Variants in EPB41L1 observed in about 807,000 individuals in gnomAD.
EPB41L1 encodes the protein erythrocyte membrane protein band 4.1 like 1.
EPB41L1 carries 29 observed loss-of-function variants against 97.8 expected under a neutral mutation model. That is an observed-to-expected ratio of 0.30 (90% CI 0.22 to 0.40). EPB41L1 has a LOEUF of 0.40. EPB41L1 is among the 10% of genes least tolerant of loss of function. The probability of loss-of-function intolerance (pLI) is 1.00; values close to 1 mark genes in which losing one functional copy is unlikely to be tolerated. For synonymous variants in EPB41L1, 383 were observed against 459.2 expected (o/e 0.83, Z 2.12); for missense variants, 812 against 1,162.3 (o/e 0.70, Z 4.38).
intron 6 of EPB41L1, among the ~76,000 whole-genome samples, chr20:36,183,354 C>T (rs540663897): frequency 5.9e-5 from 9 of 152,340 alleles, no homozygotes; most frequent in African/African-American, 2.2e-4. Context: ...CTGACTCTGG[C>T]CTTGGGAGAT....
Position 36,154,804 on chromosome 20 carries a change from C to CCCGCG in EPB41L1, c.-102_-98dup. ...GCTGCTCCGCAGAGCCCGCCGCGAC[C>CCCGCG]CCGCGCCGCCCCGCCCCGCGGCCTG... On this transcript the variant is annotated 5_prime_UTR_variant, in exon 1 of 22. Coordinates refer to ENST00000338074, the MANE Select transcript of EPB41L1 (RefSeq NM_012156.2). This position sits in a 1 kb window ranked among gnomAD's most constrained non-coding sequence, Gnocchi z 5.5. 1 of 990,518 alleles carries CCCGCG rather than the reference C, an allele frequency of 1.0e-6. No individual in the cohort carries two copies. The allele number at this position is 990,518 out of a possible 1,614,324, so 61.4% of individuals were successfully genotyped here. A position where few individuals can be genotyped will look rare whatever the true frequency, so the allele number is the denominator to read the frequency against.
At chr20:36,157,176 A>G (rs2145565949) in intron 1 of EPB41L1, among the ~76,000 whole-genome samples, 1 of 152,300 alleles carries the variant, frequency 6.6e-6, no homozygotes, top group Non-Finnish European at 1.5e-5. Flanking sequence ...GTGAGCCGAC[A>G]TCGTGCCACT....
rs190072942 is a variant in EPB41L1 at position 36,135,055 on chromosome 20, G to C, written c.-10+22575G>C. ...ACTTTTGTATTTTTAGTAGAGACAG[G>C]GTTTTGCATGTTGGTCAGGATGGTC... On this transcript the variant is annotated intron_variant, in intron 2 of 19. Transcript: ENST00000202028. 3.1e-3 allele frequency among the ~76,000 whole-genome samples: 472 copies of C among 151,854 alleles called. 7 individuals carry two copies. The highest frequency in any genetic ancestry group is 0.011 in the African/African-American group (445 of 41,390).
intron 1 of EPB41L1, among the ~76,000 whole-genome samples, chr20:36,095,404 A>T (rs1193816374): frequency 6.6e-6 from 1 of 152,172 alleles, no homozygotes; most frequent in Non-Finnish European, 1.5e-5. Context: ...CGCTGCGCCC[A>T]GCCTGGGATC....
chr20:36,126,105 T>A (rs1034196608), intron 2 of EPB41L1, among the ~76,000 whole-genome samples: 1 of 152,074 alleles, frequency 6.6e-6, no homozygotes, highest in Non-Finnish European at 1.5e-5. Flanking sequence ...ATTCAGTAGC[T>A]CCCTGAGAAA....
At chr20:36,193,512 C>T (rs983539801) in intron 11 of EPB41L1, among the ~76,000 whole-genome samples, 11 of 152,226 alleles carry the variant, frequency 7.2e-5, no homozygotes, top group Non-Finnish European at 1.6e-4. Flanking sequence ...ACACAATCCA[C>T]GGGCATAGTC....
chr20:36,141,565 G>A (rs186644375), intron 2 of EPB41L1, among the ~76,000 whole-genome samples: 42 of 152,306 alleles, frequency 2.8e-4, no homozygotes, highest in Admixed American at 2.0e-3. Context: ...TTGCTGAAAG[G>A]TGGGGGCTCT....
At chr20:36,229,279 TCCTTTCCCC>T in intron 21 of EPB41L1, 44 bp from the exon 22 acceptor site, 1 of 1,474,924 alleles carries the variant, frequency 6.8e-7, no homozygotes, top group Non-Finnish European at 9.4e-7. Flanking sequence ...TCCTCTTCCT[TCCTTTCCCC>T]CCACTCCCCA....
At chr20:36,197,610 G>A (rs547863025) in intron 13 of EPB41L1, 62 of 984,726 alleles carry the variant, frequency 6.3e-5, no homozygotes, top group South Asian at 2.8e-4. Flanking sequence ...AGGGAGAAGC[G>A]AAGGTGGCTT....
chr20:36,113,626 T>A (rs545463365), intron 2 of EPB41L1: 6 of 152,488 alleles, frequency 3.9e-5, no homozygotes, highest in African/African-American at 1.4e-4. Context: ...TTTGGCTCCT[T>A]CCTACAGGGG....
At chr20:36,131,752 G>C (rs1187551475) in intron 2 of EPB41L1, among the ~76,000 whole-genome samples, 1 of 152,128 alleles carries the variant, frequency 6.6e-6, no homozygotes, top group Non-Finnish European at 1.5e-5. Context: ...AGTGATGCAG[G>C]GGCAGAGCTG....
At chr20:36,214,014 A>G (rs541949707) in intron 16 of EPB41L1, among the ~76,000 whole-genome samples, 2 of 151,830 alleles carry the variant, frequency 1.3e-5, no homozygotes, top group South Asian at 4.2e-4. Context: ...GCAATTCACT[A>G]TCAGCGCTCG....
chr20:36,204,608 C>T (rs909248397), intron 14 of EPB41L1, among the ~76,000 whole-genome samples: 7 of 151,692 alleles, frequency 4.6e-5, no homozygotes, highest in Non-Finnish European at 8.8e-5. Flanking sequence ...CCTCAGCCTC[C>T]CAAAGTGCTG....
At chr20:36,163,931 A>G (rs972859944) in intron 1 of EPB41L1, among the ~76,000 whole-genome samples, 1 of 152,028 alleles carries the variant, frequency 6.6e-6, no homozygotes, top group East Asian at 1.9e-4. Flanking sequence ...ATCTTGGCTC[A>G]CTGCAACTTC....
intron 11 of EPB41L1, among the ~76,000 whole-genome samples, chr20:36,191,078 G>C (rs1227480826): frequency 6.6e-6 from 1 of 151,974 alleles, no homozygotes; most frequent in East Asian, 1.9e-4. Flanking sequence ...TTAGCCATAT[G>C]GTTTGGGCCA....
rs1303377961 is a variant in EPB41L1 at position 36,093,279 on chromosome 20, G to T, written c.-65+1667G>T. 6.6e-6 allele frequency among the ~76,000 whole-genome samples: 1 copy of T among 152,100 alleles called. No individual in the cohort carries two copies. Among genetic ancestry groups the T allele is most frequent in the African/African-American group, 2.4e-5 (1 of 41,414 alleles). On this transcript the variant is annotated intron_variant, in intron 1 of 19. Transcript: ENST00000202028. This position sits in a 1 kb window ranked among gnomAD's most constrained non-coding sequence, Gnocchi z 5.4. ...TGTGTACACCTCTGGGTGAGGGCGT[G>T]TGCCAGTGGCTTCGCTTGTGGCTGC...
upstream of EPB41L1, chr20:36,149,893 A>AC (rs2059980327): frequency 6.6e-6 from 1 of 152,152 alleles, no homozygotes; most frequent in Non-Finnish European, 1.5e-5. Flanking sequence ...CTGAGTTAGG[A>AC]CCCCAGAGTA....
chr20:36,195,480 A>G lies in EPB41L1; in HGVS notation c.1485+116A>G, dbSNP rs2062153218. 1.6e-6 allele frequency: 2 copies of G among 1,220,848 alleles called. No individual in the cohort carries two copies. Among genetic ancestry groups the G allele is most frequent in the South Asian group, 1.2e-5 (1 of 80,842 alleles). The allele number at this position is 1,220,848 out of a possible 1,614,324, so 75.6% of individuals were successfully genotyped here. On this transcript the variant is annotated intron_variant, in intron 13 of 21. Coordinates refer to ENST00000338074, the MANE Select transcript of EPB41L1 (RefSeq NM_012156.2). The surrounding 1 kb of genome is among the most constrained non-coding windows in gnomAD (Gnocchi z 4.6). ...CTGGCACCATCTCAGCTTCAACTTC[A>G]TCTCTGCTCCCCAGCCATCCCCCTC...
chr20:36,124,210 G>A (rs754829702), intron 2 of EPB41L1, among the ~76,000 whole-genome samples: 6 of 152,104 alleles, frequency 3.9e-5, no homozygotes, highest in Admixed American at 6.5e-5. Flanking sequence ...AGCCGAGATC[G>A]CGCCACTGCA....
Sources: gnomAD v4.1 joint callset for allele counts (sites outside exome capture counted in the v4.1 genomes callset) on GRCh38, gnomAD v4.1.1 for gene constraint, Gnocchi (gnomAD v3.1) non-coding constraint, MANE v1.5 for transcripts, NCBI Gene and HGNC (gene_info 2026-07-23, HGNC 2026-07-21) for gene names.